The following CHMP6 variants were observed in gnomAD, a reference collection of about 807,000 sequenced individuals.
CHMP6 encodes the protein charged multivesicular body protein 6.
In CHMP6, 10 loss-of-function variants were observed where a neutral mutation model predicts 32.8. The ratio of observed to expected loss-of-function variants is 0.30; its 90% confidence interval spans 0.19 to 0.52. CHMP6 has a LOEUF of 0.52. CHMP6 is among the 20% of genes least tolerant of loss of function. The pLI, the probability that CHMP6 is intolerant of heterozygous loss-of-function variation, is 0.97. For synonymous variants in CHMP6, 123 were observed against 105.8 expected, an observed-to-expected ratio of 1.16 and a Z score of -1.00; for missense variants, 269 against 263.8, an observed-to-expected ratio of 1.02 and a Z score of -0.14.
intron 1 of CHMP6, among the ~76,000 whole-genome samples, 195 bp downstream of exon 1, chr17:80,992,176 T>G (rs2069598072): frequency 6.6e-6 from 1 of 151,062 alleles, no homozygotes; most frequent in Non-Finnish European, 1.5e-5. Flanking sequence ...GGCCGGGGTC[T>G]CCTGCGCGGC....
intron 1 of CHMP6, among the ~76,000 whole-genome samples, chr17:80,992,902 C>A (rs556538475): frequency 6.6e-6 from 1 of 152,280 alleles, no homozygotes; most frequent in East Asian, 1.9e-4. Context: ...AAAAGAGAAG[C>A]GAATGTAAAT....
intron 4 of CHMP6, among the ~76,000 whole-genome samples, chr17:80,995,973 A>C (rs2069634403): frequency 6.6e-6 from 1 of 152,062 alleles, no homozygotes; most frequent in Admixed American, 6.5e-5. Context: ...CAGGCGCCGA[A>C]GTGACATAGA....
At chr17:80,998,731 A>G (rs1030184605) in intron 7 of CHMP6, 3 of 1,321,288 alleles carry the variant, frequency 2.3e-6, no homozygotes, top group Admixed American at 3.1e-5. Context: ...ATTAGCCCTC[A>G]GCCAGGGATG....
chr17:80,997,546 G>A lies in CHMP6; in HGVS notation c.495+205G>A, dbSNP rs185633361. Among the ~76,000 whole-genome samples the A allele has an allele frequency of 1.7e-3, 258 of 152,174 alleles. 1 individual carries two copies. The highest frequency in any genetic ancestry group is 5.8e-3 in the African/African-American group (239 of 41,506). ...GGTCTGGTGCAGGCAGGCTGGCCCC[G>A]TGCCCTGGACAGAGCGGGGGTGCTG... On this transcript the variant is annotated intron_variant, in intron 6 of 7. Coordinates refer to ENST00000325167, the MANE Select transcript of CHMP6 (RefSeq NM_024591.5).
chr17:80,999,327 C>A lies in CHMP6; in HGVS notation c.*174C>A. On this transcript the variant is annotated 3_prime_UTR_variant, in exon 8 of 8. Transcript: ENST00000325167. ...AGGACTCCAGAGCGTCTCCTGGAGA[C>A]CTTGAGCCTGAACGCACTCAGGCGC... 1.6e-6 allele frequency: 1 copy of A among 643,572 alleles called. No individual in the cohort carries two copies. The highest frequency in any genetic ancestry group is 2.7e-6 in the Non-Finnish European group (1 of 374,928). The allele number at this position is 643,572 out of a possible 1,614,324, so 39.9% of individuals were successfully genotyped here. A position where few individuals can be genotyped will look rare whatever the true frequency, so the allele number is the denominator to read the frequency against.
rs1474394371 is a variant in CHMP6 at position 80,992,051 on chromosome 17, C to T, written c.63+70C>T. 7 of 1,126,396 alleles carry T rather than the reference C, an allele frequency of 6.2e-6. No individual in the cohort carries two copies. The African/African-American group carries it at 6.6e-5, about 11-fold the overall frequency. 69.8% of individuals were successfully genotyped at this position (1,126,396 alleles called of 1,614,324 possible). A position where few individuals can be genotyped will look rare whatever the true frequency, so the allele number is the denominator to read the frequency against. On this transcript the variant is annotated intron_variant, in intron 1 of 7. Coordinates refer to ENST00000325167, the MANE Select transcript of CHMP6 (RefSeq NM_024591.5). ...ACGGGGCCGGGGCGGGCGGCGGGGC[C>T]GGAAGAGCCCCGCGCCCTCGGCCCC...
intron 3 of CHMP6, 41 bp from the exon 4 acceptor site, chr17:80,995,631 C>G (rs373784910): frequency 1.3e-6 from 2 of 1,590,596 alleles, no homozygotes; most frequent in Non-Finnish European, 1.7e-6. Flanking sequence ...GAGGGCACCC[C>G]GGATCCTCAG....
intron 4 of CHMP6, among the ~76,000 whole-genome samples, chr17:80,996,181 G>T (rs951127215): frequency 6.6e-6 from 1 of 152,146 alleles, no homozygotes; most frequent in Non-Finnish European, 1.5e-5. Context: ...TGAGCCAGGC[G>T]TGGTGGCAGG....
chr17:80,996,888 AAAAT>A, intron 4 of CHMP6, 115 bp from the exon 5 acceptor site: 12 of 1,045,024 alleles, frequency 1.1e-5, no homozygotes, highest in Non-Finnish European at 1.5e-5. Flanking sequence ...CTTGTCTTTA[AAAAT>A]AAATAAAAAT....
At chr17:80,999,005 C>A in intron 7 of CHMP6, 93 bp from the exon 8 acceptor site, 1 of 1,462,100 alleles carries the variant, frequency 6.8e-7, no homozygotes, top group Non-Finnish European at 9.5e-7. Context: ...GTCCCCGGAA[C>A]TGGCCCTTGC....
In CHMP6 at chr17:80,998,430, T is replaced by A. The variant is rs779409587; in HGVS notation, c.550+10T>A. The stretch of plus-strand genomic sequence containing the variant: ...CCTGAGAAGATCCCAGGTATTTCCA[T>A]GTTTGATTCTTTTGAATGGTTGGAA... On this transcript the variant is annotated intron_variant, in intron 7 of 7. Coordinates refer to ENST00000325167, the MANE Select transcript of CHMP6 (RefSeq NM_024591.5). 6.2e-7 allele frequency: 1 copy of A among 1,614,118 alleles called. No homozygotes were observed. Among genetic ancestry groups the A allele is most frequent in the Admixed American group, 1.7e-5 (1 of 60,024 alleles).
chr17:80,992,331 G>T (rs1203618897), intron 1 of CHMP6, among the ~76,000 whole-genome samples: 1 of 152,036 alleles, frequency 6.6e-6, no homozygotes, highest in East Asian at 1.9e-4. Context: ...TCCGCGCGGC[G>T]CTGGGCTTTC....
intron 6 of CHMP6, among the ~76,000 whole-genome samples, chr17:80,997,911 G>A (rs757446659): frequency 1.9e-4 from 29 of 152,260 alleles, no homozygotes; most frequent in Non-Finnish European, 3.5e-4. Context: ...CTGAGGGTCC[G>A]AGTCCTCCGG....
chr17:80,996,572 GACCTTTTGCCACTC>G (rs1047430117), intron 4 of CHMP6, among the ~76,000 whole-genome samples: 6 of 152,214 alleles, frequency 3.9e-5, no homozygotes, highest in African/African-American at 1.4e-4. Flanking sequence ...GTGGCCCTTT[GACCTTTTGCCACTC>G]AAAAGAAATC....
At position 80,994,688 on chromosome 17, in the gene CHMP6, GGAGT is replaced by G. The variant is rs1433953076; in HGVS notation, c.173+4_173+7del. ...GGCAGCTGCTGCGGGACGGCAGGAA[GGAGT>G]GAGTGGGGCCCGGGCAGCGTGGGCA... is the stretch of plus-strand genomic sequence containing the variant. On this transcript the variant is annotated splice_donor_variant and coding_sequence_variant, in exon 2 of 8. Transcript: ENST00000325167. LOFTEE classifies it high-confidence loss of function. The G allele has an allele frequency of 5.7e-6, 9 of 1,568,282 alleles. No individual in the cohort carries two copies. The highest frequency in any genetic ancestry group is 1.4e-5 in the African/African-American group (1 of 73,798).
At chr17:80,998,269 G>A in intron 6 of CHMP6, 97 bp from the exon 7 acceptor site, 1 of 1,392,748 alleles carries the variant, frequency 7.2e-7, no homozygotes, top group South Asian at 1.2e-5. Flanking sequence ...CCGGCTGAGA[G>A]CGGCTGACGG....
In CHMP6 at chr17:80,999,687, C is replaced by A. The variant is rs1463446896; in HGVS notation, c.*534C>A. On this transcript the variant is annotated 3_prime_UTR_variant, in exon 8 of 8. Transcript: ENST00000325167. ...GCTGAACCTCTCTGTGCCTCTGCCT[C>A]CGCACCCTAGACACCCACCTCCAGT... 1 of 153,508 alleles carries A rather than the reference C, an allele frequency of 6.5e-6. No individual in the cohort carries two copies. The highest frequency in any genetic ancestry group is 2.4e-5 in the African/African-American group (1 of 41,486). The allele number at this position is 153,508 out of a possible 1,614,324, so 9.5% of individuals were successfully genotyped here.
chr17:80,993,418 C>T (rs1179287180), intron 1 of CHMP6, among the ~76,000 whole-genome samples: 1 of 152,166 alleles, frequency 6.6e-6, no homozygotes, highest in East Asian at 1.9e-4. Flanking sequence ...GCAGGGGGCA[C>T]CTTTCACTGT....
intron 4 of CHMP6, among the ~76,000 whole-genome samples, chr17:80,996,776 C>T (rs1248581663): frequency 6.6e-6 from 1 of 152,170 alleles, no homozygotes; most frequent in Non-Finnish European, 1.5e-5. Context: ...CATGTCCTGG[C>T]CTCATTTAAA....
Sources: gnomAD v4.1 joint callset for allele counts (sites outside exome capture counted in the v4.1 genomes callset) on GRCh38, gnomAD v4.1.1 for gene constraint, MANE v1.5 for transcripts, NCBI Gene and HGNC (gene_info 2026-07-23, HGNC 2026-07-21) for gene names.